The following PTPRO variants were observed in gnomAD, a reference collection of about 807,000 sequenced individuals.
PTPRO encodes the protein receptor-type tyrosine-protein phosphatase O.
PTPRO carries 62 observed loss-of-function variants against 145.2 expected under a neutral mutation model. The ratio of observed to expected loss-of-function variants is 0.43; its 90% CI spans 0.35 to 0.53. PTPRO has a LOEUF of 0.53. Ranked by LOEUF, PTPRO falls within the 20% of genes least tolerant of loss-of-function variation. The pLI, the probability that PTPRO is intolerant of heterozygous loss-of-function variation, is 0.01. For synonymous variants in PTPRO, 565 were observed against 514.7 expected (o/e 1.10, Z -1.32); for missense variants, 1,345 against 1,482.7 (o/e 0.91, Z 1.53).
intron 1 of PTPRO, among the ~76,000 whole-genome samples, chr12:15,361,224 T>A (rs1591741561): frequency 6.7e-6 from 1 of 149,998 alleles, no homozygotes. Context: ...GATCACGAGG[T>A]TAGGAGATCA....
intron 5 of PTPRO, among the ~76,000 whole-genome samples, chr12:15,503,041 A>G (rs1267361064): frequency 6.6e-6 from 1 of 152,190 alleles, no homozygotes; most frequent in Non-Finnish European, 1.5e-5. Flanking sequence ...CCATACCCAA[A>G]TATTACATAA....
At chr12:15,359,265 C>A (rs1437925843) in intron 1 of PTPRO, among the ~76,000 whole-genome samples, 1 of 152,030 alleles carries the variant, frequency 6.6e-6, no homozygotes, top group East Asian at 1.9e-4. Flanking sequence ...TTGATTCTTA[C>A]CCATGTATGA....
At chr12:15,414,114 A>G (rs1289695187) in intron 1 of PTPRO, among the ~76,000 whole-genome samples, 1 of 152,218 alleles carries the variant, frequency 6.6e-6, no homozygotes, top group East Asian at 1.9e-4. Flanking sequence ...AACTTGTCTA[A>G]CCGTAAGAAC....
At chr12:15,439,598 C>T (rs894821657) in intron 1 of PTPRO, 1 of 287,672 alleles carries the variant, frequency 3.5e-6, no homozygotes, top group African/African-American at 2.2e-5. Flanking sequence ...ACCACAGTGG[C>T]TTTCGTGGAG....
chr12:15,502,765 G>A (rs923527226), intron 5 of PTPRO, among the ~76,000 whole-genome samples: 2 of 152,004 alleles, frequency 1.3e-5, no homozygotes, highest in Admixed American at 6.6e-5. Flanking sequence ...TATCTCAATT[G>A]TTGTTTGGTA....
At chr12:15,495,930 A>G (rs1942091197) in intron 2 of PTPRO, among the ~76,000 whole-genome samples, 1 of 152,082 alleles carries the variant, frequency 6.6e-6, no homozygotes, top group Non-Finnish European at 1.5e-5. Context: ...TTAATCTACA[A>G]CATGGGTCAT....
intron 1 of PTPRO, among the ~76,000 whole-genome samples, chr12:15,393,807 T>C (rs1462336621): frequency 2.0e-5 from 3 of 152,150 alleles, no homozygotes; most frequent in Non-Finnish European, 2.9e-5. Context: ...CTGGGTTATA[T>C]ATGAAGAAAA....
intron 12 of PTPRO, chr12:15,546,368 G>C (rs1243523609): frequency 7.1e-7 from 1 of 1,411,236 alleles, no homozygotes; most frequent in African/African-American, 1.4e-5. Flanking sequence ...AAAAATGGAA[G>C]GGGGAAAAGG....
intron 19 of PTPRO, among the ~76,000 whole-genome samples, chr12:15,578,231 T>C (rs1311834223): frequency 2.6e-5 from 4 of 152,218 alleles, no homozygotes; most frequent in African/African-American, 4.8e-5. Context: ...AAAAAAAGCC[T>C]AGATTTCTTC....
At chr12:15,338,376 C>G (rs768563915) in intron 1 of PTPRO, among the ~76,000 whole-genome samples, 1 of 152,142 alleles carries the variant, frequency 6.6e-6, no homozygotes, top group Non-Finnish European at 1.5e-5. Context: ...AAAACAATAA[C>G]TACAATTGCA....
intron 1 of PTPRO, among the ~76,000 whole-genome samples, chr12:15,421,657 G>T (rs1281320439): frequency 6.6e-6 from 1 of 152,048 alleles, no homozygotes; most frequent in Non-Finnish European, 1.5e-5. Context: ...GTATCACAAT[G>T]GTATCAGATT....
rs929748360 is a variant in PTPRO at position 15,585,410 on chromosome 12, C to T, written c.3256-1487C>T. Among the ~76,000 whole-genome samples the T allele has an allele frequency of 3.9e-5, 6 of 152,164 alleles. No homozygotes were observed. The East Asian group carries it at 1.2e-3, about 29-fold the overall frequency. On this transcript the variant is annotated intron_variant, in intron 23 of 26. Transcript: ENST00000281171. Reference sequence around the variant, plus strand: ...CCAGCGTCTTTGTAGACTTCATGTTCTGTGTGTCTAAGCCAGAGCCCTTGA... The same window carrying T: ...CCAGCGTCTTTGTAGACTTCATGTTTTGTGTGTCTAAGCCAGAGCCCTTGA...
chr12:15,344,270 T>C (rs1565575410), intron 1 of PTPRO, among the ~76,000 whole-genome samples: 1 of 152,204 alleles, frequency 6.6e-6, no homozygotes, highest in Non-Finnish European at 1.5e-5. Flanking sequence ...GAATTAATAG[T>C]AGGTATCATC....
chr12:15,363,667 A>C (rs1437932780), intron 1 of PTPRO, among the ~76,000 whole-genome samples: 1 of 152,156 alleles, frequency 6.6e-6, no homozygotes, highest in Non-Finnish European at 1.5e-5. Flanking sequence ...AACTAAAAAA[A>C]AAAATAGAAT....
intron 1 of PTPRO, among the ~76,000 whole-genome samples, chr12:15,405,193 G>A (rs914328460): frequency 6.6e-6 from 1 of 152,136 alleles, no homozygotes; most frequent in Non-Finnish European, 1.5e-5. Context: ...ATATTTCTAT[G>A]CATATGTTTA....
At chr12:15,450,552 TTGTC>T (rs1442189836) in intron 1 of PTPRO, among the ~76,000 whole-genome samples, 1 of 152,140 alleles carries the variant, frequency 6.6e-6, no homozygotes, top group African/African-American at 2.4e-5. Flanking sequence ...GGCAGGCAGA[TTGTC>T]TGGGCTCAGG....
At position 15,453,023 on chromosome 12, in the gene PTPRO, C is replaced by T. The variant is rs544473267; in HGVS notation, c.76-30951C>T. Among the ~76,000 whole-genome samples, 13 of 151,316 alleles carry T rather than the reference C, an allele frequency of 8.6e-5. 1 individual carries two copies. Among genetic ancestry groups the T allele is most frequent in the Middle Eastern group, 3.4e-3 (1 of 290 alleles). On this transcript the variant is annotated intron_variant, in intron 1 of 26. Coordinates refer to ENST00000281171, the MANE Select transcript of PTPRO (RefSeq NM_030667.3). ...CCATAAAATTTTGAAACACACATCC[C>T]TTTTTTTTTCTTGGTAGAAGAATAA...
intron 1 of PTPRO, among the ~76,000 whole-genome samples, chr12:15,354,263 C>T (rs1265517664): frequency 6.6e-6 from 1 of 152,122 alleles, no homozygotes; most frequent in Non-Finnish European, 1.5e-5. Context: ...GTGGCATTGT[C>T]CCCATAAACT....
intron 1 of PTPRO, among the ~76,000 whole-genome samples, chr12:15,408,467 C>T (rs1047837255): frequency 2.6e-5 from 4 of 152,040 alleles, no homozygotes; most frequent in Admixed American, 1.3e-4. Flanking sequence ...CTCACTTTGT[C>T]GCCCAGGCTG....
Sources: allele counts gnomAD v4.1 joint callset (sites outside exome capture counted in the v4.1 genomes callset), GRCh38; gene constraint gnomAD v4.1.1; transcripts MANE v1.5; gene names NCBI Gene and HGNC (gene_info 2026-07-23, HGNC 2026-07-21).